Variants in PLPP1 observed in about 807,000 individuals in gnomAD.
The protein encoded by PLPP1 is lipid phosphate phosphohydrolase 1a.
A neutral mutation model predicts 31.2 loss-of-function variants in PLPP1; 24 were observed. That is an observed-to-expected ratio of 0.77 (90% CI 0.56 to 1.08). The LOEUF (loss-of-function observed/expected upper bound fraction) is 1.08. PLPP1 is among the 50% of genes least tolerant of loss of function. PLPP1 has a pLI of 0.00. For synonymous variants in PLPP1, 146 were observed against 126.3 expected, an observed-to-expected ratio of 1.16 and a Z score of -1.05; for missense variants, 319 against 342.7, an observed-to-expected ratio of 0.93 and a Z score of 0.55.
At chr5:55,432,692 A>G (rs145664788) in intron 4 of PLPP1, among the ~76,000 whole-genome samples, 79 of 152,182 alleles carry the variant, frequency 5.2e-4, no homozygotes, top group African/African-American at 1.9e-3. Flanking sequence ...AGTGTGATTT[A>G]TCCCAGGGAT....
intron 3 of PLPP1, among the ~76,000 whole-genome samples, chr5:55,464,868 G>C (rs1454999355): frequency 2.0e-5 from 3 of 152,122 alleles, no homozygotes; most frequent in Non-Finnish European, 4.4e-5. Flanking sequence ...AAACTTGACT[G>C]TAATGGTAAA....
intron 1 of PLPP1, among the ~76,000 whole-genome samples, chr5:55,519,206 A>T (rs1350208725): frequency 6.6e-6 from 1 of 152,248 alleles, no homozygotes; most frequent in East Asian, 1.9e-4. Context: ...AAAGTTGAAC[A>T]TTATCCATAA....
Position 55,477,303 on chromosome 5 carries a change from T to C in PLPP1, c.59-1853A>G, listed in dbSNP as rs549900561. On this transcript the variant is annotated intron_variant, in intron 1 of 5. Coordinates refer to ENST00000307259, the MANE Select transcript of PLPP1 (RefSeq NM_003711.4). ...ATTATTGGCTGCCCCATGCAGTAACTAAATGCTTAGCCCCCTAATCAATAA... is the reference window on the plus strand; with the variant it reads ...ATTATTGGCTGCCCCATGCAGTAACCAAATGCTTAGCCCCCTAATCAATAA... Among the ~76,000 whole-genome samples, 3 of 152,250 alleles carry C rather than the reference T, an allele frequency of 2.0e-5. No homozygotes were observed. The East Asian group carries it at 5.8e-4, about 29-fold the overall frequency.
chr5:55,446,018 T>G (rs2111723827), intron 3 of PLPP1, among the ~76,000 whole-genome samples: 1 of 152,314 alleles, frequency 6.6e-6, no homozygotes, highest in East Asian at 1.9e-4. Flanking sequence ...TCTCTGTAAC[T>G]GCTTCCTCTC....
chr5:55,506,216 T>C (rs1203598706), intron 1 of PLPP1, among the ~76,000 whole-genome samples: 1 of 149,150 alleles, frequency 6.7e-6, no homozygotes. Context: ...TGGTCAGTCC[T>C]ACTTTAGCTT....
intron 1 of PLPP1, among the ~76,000 whole-genome samples, chr5:55,527,147 A>C (rs912138892): frequency 6.6e-6 from 1 of 152,168 alleles, no homozygotes; most frequent in African/African-American, 2.4e-5. Flanking sequence ...CTATTTAGCA[A>C]GTGAGAATCT....
chr5:55,466,192 C>T (rs930972692), intron 3 of PLPP1, among the ~76,000 whole-genome samples: 1 of 152,166 alleles, frequency 6.6e-6, no homozygotes, highest in African/African-American at 2.4e-5. Context: ...TCAAAGTTTG[C>T]CATTTAACAG....
chr5:55,476,980 CT>C (rs1396863357), intron 1 of PLPP1, among the ~76,000 whole-genome samples: 2 of 151,388 alleles, frequency 1.3e-5, no homozygotes, highest in East Asian at 3.9e-4. Flanking sequence ...CTTTAAAAGT[CT>C]TTAAGATGCT....
At chr5:55,498,283 G>C (rs1252997581) in intron 1 of PLPP1, among the ~76,000 whole-genome samples, 1 of 152,074 alleles carries the variant, frequency 6.6e-6, no homozygotes, top group Non-Finnish European at 1.5e-5. Flanking sequence ...GTGTATATTA[G>C]AGATGTTAAG....
At chr5:55,439,357 G>A (rs112872015) in intron 4 of PLPP1, among the ~76,000 whole-genome samples, 14 of 152,128 alleles carry the variant, frequency 9.2e-5, no homozygotes, top group African/African-American at 3.1e-4. Context: ...TAACCAATCC[G>A]GCAGTTTCTG....
chr5:55,526,469 A>G (rs982993153), intron 1 of PLPP1, among the ~76,000 whole-genome samples: 6 of 152,222 alleles, frequency 3.9e-5, no homozygotes, highest in African/African-American at 1.2e-4. Context: ...AAAGCCTTGC[A>G]ATAGGATTCT....
In PLPP1 at chr5:55,526,901, C is replaced by T. The variant is rs183538161; in HGVS notation, c.58+7671G>A. ...GAGCCAAGATCGGGCCACTGTACTC[C>T]AGCCTGGGCGACAGAGCGAGATTCC... is the stretch of plus-strand genomic sequence containing the variant. On this transcript the variant is annotated intron_variant, in intron 1 of 5. Coordinates refer to ENST00000307259, the MANE Select transcript of PLPP1 (RefSeq NM_003711.4). Among the ~76,000 whole-genome samples the T allele has an allele frequency of 2.7e-4, 34 of 126,098 alleles. No individual in the cohort carries two copies. The East Asian group carries it at 6.5e-3, about 24-fold the overall frequency. The allele number at this position is 126,098 out of a possible 152,430, so 82.7% of individuals were successfully genotyped here.
intron 1 of PLPP1, among the ~76,000 whole-genome samples, chr5:55,515,019 C>A (rs4865610): frequency 0.85 from 128,884 of 152,202 alleles, 54,929 homozygotes; most frequent in South Asian, 0.92. Flanking sequence ...AAATCCGTGA[C>A]GTAGACAGTA....
At chr5:55,462,844 G>A (rs1381018160) in intron 3 of PLPP1, among the ~76,000 whole-genome samples, 1 of 151,910 alleles carries the variant, frequency 6.6e-6, no homozygotes, top group Non-Finnish European at 1.5e-5. Flanking sequence ...ATGGTGGTGG[G>A]TGCCTGTAGA....
chr5:55,477,049 AAT>A (rs1491207763), intron 1 of PLPP1, among the ~76,000 whole-genome samples: 63 of 64,848 alleles, frequency 9.7e-4, no homozygotes, highest in Middle Eastern at 8.6e-3. Flanking sequence ...AAAAAAAAAA[AAT>A]AATAAACTAG....
chr5:55,435,496 G>T (rs1292455366), intron 4 of PLPP1, among the ~76,000 whole-genome samples: 2 of 152,324 alleles, frequency 1.3e-5, no homozygotes, highest in South Asian at 4.2e-4. Context: ...TAAAAAGGAT[G>T]ACTATTTCTA....
chr5:55,463,915 T>C (rs775787855), intron 3 of PLPP1, among the ~76,000 whole-genome samples: 20 of 151,752 alleles, frequency 1.3e-4, no homozygotes, highest in Non-Finnish European at 2.4e-4. Flanking sequence ...ATTCAGAATA[T>C]ATAAAGAACT....
chr5:55,430,995 A>T (rs1257593882), intron 4 of PLPP1, among the ~76,000 whole-genome samples: 1 of 152,224 alleles, frequency 6.6e-6, no homozygotes, highest in Non-Finnish European at 1.5e-5. Context: ...GAACTTCAGA[A>T]CTTCAAAAAT....
intron 1 of PLPP1, among the ~76,000 whole-genome samples, chr5:55,527,535 C>G (rs1331762955): frequency 6.6e-6 from 1 of 152,146 alleles, no homozygotes; most frequent in African/African-American, 2.4e-5. Flanking sequence ...GTGTTTAATG[C>G]AGAAACGGAA....
Sources: allele counts gnomAD v4.1 joint callset (sites outside exome capture counted in the v4.1 genomes callset), GRCh38; gene constraint gnomAD v4.1.1; transcripts MANE v1.5; gene names NCBI Gene and HGNC (gene_info 2026-07-23, HGNC 2026-07-21).